DGKD: variants seen among roughly 807,000 people sequenced by gnomAD.
The protein encoded by DGKD is diacylglycerol kinase delta, also known as DAG kinase delta.
In DGKD, 68 loss-of-function variants were observed where a neutral mutation model predicts 154.4. The observed-to-expected ratio is 0.44, with a 90% CI of 0.36 to 0.54. The LOEUF (loss-of-function observed/expected upper bound fraction) is 0.54. DGKD is among the 20% of genes least tolerant of loss of function. DGKD has a pLI of 0.00. For missense variants in DGKD, 1,343 were observed against 1,593.6 expected (o/e 0.84, Z 2.68); for synonymous variants, 693 against 638.0 (o/e 1.09, Z -1.30).
rs2124922812 is a variant in DGKD, at chr2:233,458,840, C to G, written c.2694+443C>G. On this transcript the variant is annotated intron_variant, in intron 22 of 29. Transcript: ENST00000264057. This position sits in a 1 kb window ranked among gnomAD's most constrained non-coding sequence, Gnocchi z 6.6. ...AACTCCTGACCTCAAATGATCCACC[C>G]ACCTTGGCCTCCCAAAGTGTTGGGA... 6.6e-6 allele frequency among the ~76,000 whole-genome samples: 1 copy of G among 152,280 alleles called. No individual in the cohort carries two copies. Among genetic ancestry groups the G allele is most frequent in the East Asian group, 1.9e-4 (1 of 5,162 alleles).
chr2:233,460,420 G>A, intron 24 of DGKD, 75 bp downstream of exon 24: 1 of 1,552,708 alleles, frequency 6.4e-7, no homozygotes, highest in Non-Finnish European at 8.7e-7. Flanking sequence ...CAAGGCCCCT[G>A]GGGCGTGGAG....
chr2:233,422,276 A>G (rs1348750662), intron 3 of DGKD, among the ~76,000 whole-genome samples: 1 of 152,262 alleles, frequency 6.6e-6, no homozygotes, highest in Admixed American at 6.5e-5. Flanking sequence ...CTCAGGTTAC[A>G]TAGCTCCACT....
At chr2:233,464,099 T>C in intron 26 of DGKD, 65 bp from the exon 27 acceptor site, 7 of 1,602,680 alleles carry the variant, frequency 4.4e-6, no homozygotes, top group African/African-American at 2.7e-5. Context: ...CTCACCCCCC[T>C]GGGCCTCGCG....
In DGKD at chr2:233,366,779, C is replaced by T. The variant is rs140734209; in HGVS notation, c.156+12105C>T. ...AGGACAGTGTGACGGGGTCAGGGCC[C>T]GATTGGATGCTGGGGCCGTTGGCTT... On this transcript the variant is annotated intron_variant, in intron 1 of 29. Transcript: ENST00000264057. 2.3e-3 allele frequency among the ~76,000 whole-genome samples: 342 copies of T among 151,834 alleles called. 5 individuals carry two copies. Among genetic ancestry groups the T allele is most frequent in the African/African-American group, 8.0e-3 (330 of 41,394 alleles).
At chr2:233,387,752 G>A (rs938299313) in intron 1 of DGKD, among the ~76,000 whole-genome samples, 6 of 152,176 alleles carry the variant, frequency 3.9e-5, no homozygotes, top group African/African-American at 1.4e-4. Context: ...TGTGAGTGGT[G>A]GGTTGGGCTG....
At chr2:233,381,154 T>TGCGC (rs1702884685) in intron 1 of DGKD, among the ~76,000 whole-genome samples, 4 of 152,208 alleles carry the variant, frequency 2.6e-5, no homozygotes, top group Admixed American at 2.0e-4. Flanking sequence ...AGTTGCCCGG[T>TGCGC]GCGCTCTCTC....
At chr2:233,421,070 T>A (rs897374009) in intron 3 of DGKD, among the ~76,000 whole-genome samples, 1 of 152,108 alleles carries the variant, frequency 6.6e-6, no homozygotes, top group African/African-American at 2.4e-5. Flanking sequence ...GTCTTTAAGT[T>A]TTTCTTTTTT....
rs1300560032 is a variant in DGKD at position 233,460,622 on chromosome 2, G to T, written c.2981+277G>T. On this transcript the variant is annotated intron_variant, in intron 24 of 29. Transcript: ENST00000264057. The stretch of plus-strand genomic sequence containing the variant: ...CTGCCCGGGCTCAGCCGGGCGCGGT[G>T]GCTCACGCCTGTAATCCCAGCACTT... 3.9e-5 allele frequency among the ~76,000 whole-genome samples: 6 copies of T among 152,312 alleles called. No homozygotes were observed. The South Asian group carries it at 1.0e-3, about 26-fold the overall frequency.
intron 3 of DGKD, among the ~76,000 whole-genome samples, chr2:233,426,720 G>A (rs1323033680): frequency 2.6e-5 from 4 of 152,160 alleles, no homozygotes; most frequent in African/African-American, 7.2e-5. Flanking sequence ...GCTTTGATGA[G>A]GAAGGTATGC....
At position 233,449,946 on chromosome 2, in the gene DGKD, C is replaced by T. The variant is rs376549136; in HGVS notation, c.1889-36C>T. On this transcript the variant is annotated intron_variant, in intron 15 of 29. Coordinates refer to ENST00000264057, the MANE Select transcript of DGKD (RefSeq NM_152879.3). The surrounding 1 kb of genome is among the most constrained non-coding windows in gnomAD (Gnocchi z 5.3). The stretch of plus-strand genomic sequence containing the variant: ...GCCTGACAGCGCCCTTGGCTTTGCA[C>T]CCGCGTGCTCAGCCGCACACACTCT... 7 of 1,538,578 alleles carry T rather than the reference C, an allele frequency of 4.5e-6. No homozygotes were observed. The highest frequency in any genetic ancestry group is 2.3e-5 in the East Asian group (1 of 43,392).
At position 233,434,451 on chromosome 2, in the gene DGKD, A is replaced by G. The variant is rs1297737106; in HGVS notation, c.420A>G (p.Ala140=). Residue 140 remains alanine, a synonymous_variant, in exon 4 of 30, where the codon GCA becomes GCG. Transcript: ENST00000264057. ...AAGAAATGGAAGATTGGATTGCAGC[A>G]TTAAAGACTGTGCAGAACAGGGAGC... The part of the protein sequence containing the change: ...NRKEMEDWIA[A]LKTVQNREHF... 4 of 1,614,098 alleles carry G rather than the reference A, an allele frequency of 2.5e-6. No homozygotes were observed. Among genetic ancestry groups the G allele is most frequent in the East Asian group, 2.2e-5 (1 of 44,898 alleles).
In DGKD at chr2:233,359,740, A is replaced by C. The variant is rs148071700; in HGVS notation, c.156+5066A>C. On this transcript the variant is annotated intron_variant, in intron 1 of 29. Coordinates refer to ENST00000264057, the MANE Select transcript of DGKD (RefSeq NM_152879.3). The stretch of plus-strand genomic sequence containing the variant: ...TTTAACAGCAAATATTTGAGATCTT[A>C]ACATTGTTAACTGTTGTGCGAGGCA... 7.7e-3 allele frequency among the ~76,000 whole-genome samples: 1,173 copies of C among 152,344 alleles called. 12 individuals carry two copies. Among genetic ancestry groups the C allele is most frequent in the African/African-American group, 0.026 (1,100 of 41,566 alleles).
chr2:233,363,809 AGTGAT>A (rs1701897538), intron 1 of DGKD, among the ~76,000 whole-genome samples: 1 of 152,254 alleles, frequency 6.6e-6, no homozygotes, highest in South Asian at 2.1e-4. Flanking sequence ...GTGTCAGCAC[AGTGAT>A]GTGCTCTATG....
intron 2 of DGKD, among the ~76,000 whole-genome samples, chr2:233,390,181 A>T (rs545370860): frequency 2.8e-3 from 429 of 152,226 alleles, no homozygotes; most frequent in African/African-American, 3.0e-3. Context: ...AGATTTTTTT[A>T]AAAAAATCAT....
intron 1 of DGKD, among the ~76,000 whole-genome samples, chr2:233,387,974 C>T (rs1450676312): frequency 2.6e-5 from 4 of 152,170 alleles, no homozygotes; most frequent in Non-Finnish European, 5.9e-5. Context: ...GCCTCAGTGT[C>T]CCTTCTTCAT....
rs753733144 is a variant in DGKD, at chr2:233,449,525, A to G, written c.1888+149A>G. On this transcript the variant is annotated intron_variant, in intron 15 of 29. Transcript: ENST00000264057. The surrounding 1 kb of genome is among the most constrained non-coding windows in gnomAD (Gnocchi z 5.3). ...CCCATGTCCAGGCACCAGACCCCCAACGAGTTCGCTTGCCCTCCTTCCACC... is the reference window on the plus strand; with the variant it reads ...CCCATGTCCAGGCACCAGACCCCCAGCGAGTTCGCTTGCCCTCCTTCCACC... The G allele has an allele frequency of 1.3e-4, 153 of 1,143,408 alleles. 1 individual carries two copies. Among genetic ancestry groups the G allele is most frequent in the Non-Finnish European group, 1.7e-4 (142 of 832,366 alleles). 70.8% of individuals were successfully genotyped at this position (1,143,408 alleles called of 1,614,324 possible).
intron 3 of DGKD, among the ~76,000 whole-genome samples, chr2:233,414,964 G>A (rs1575073707): frequency 6.6e-6 from 1 of 152,130 alleles, no homozygotes; most frequent in Non-Finnish European, 1.5e-5. Context: ...TGTGTGTGTG[G>A]GTATTTTTTA....
Position 233,462,647 on chromosome 2 carries a change from T to C in DGKD, c.3098T>C (p.Leu1033Pro). 2.5e-6 allele frequency: 4 copies of C among 1,614,096 alleles called. No individual in the cohort carries two copies. The highest frequency in any genetic ancestry group is 3.4e-6 in the Non-Finnish European group (4 of 1,179,960). ...TATTTGCCTGGTTTCTTCTAGGGGC[T>C]CAACTGCAGCTTCGTCCTGGAAATG... ...VYGKPRTTEG[L>P]NCSFVLEMVN... is the part of the protein sequence containing the mutation. Residue 1033 changes from leucine (L) to proline (P), a missense_variant, in exon 26 of 30, where the codon CTC becomes CCC. By Grantham distance (98) the Leu-to-Pro change is moderately conservative. This residue lies in a region of DGKD where 429 missense variants were observed against 496.3 expected (regional missense o/e 0.86). Transcript: ENST00000264057.
intron 3 of DGKD, among the ~76,000 whole-genome samples, chr2:233,417,061 C>T (rs1403490747): frequency 6.6e-6 from 1 of 152,100 alleles, no homozygotes; most frequent in Non-Finnish European, 1.5e-5. Context: ...TTGAGACAGT[C>T]TTGCTCTGTC....
Sources: gnomAD v4.1 joint callset for allele counts (sites outside exome capture counted in the v4.1 genomes callset) on GRCh38, gnomAD v4.1.1 for gene constraint, gnomAD v4.1.1 regional missense constraint, Gnocchi (gnomAD v3.1) non-coding constraint, MANE v1.5 for transcripts, NCBI Gene and HGNC (gene_info 2026-07-23, HGNC 2026-07-21) for gene names.